PNLIP: variants seen among roughly 807,000 people sequenced by gnomAD.
PNLIP encodes the protein pancreatic lipase.
PNLIP carries 49 observed loss-of-function variants against 57.1 expected under a neutral mutation model. The ratio of observed to expected loss-of-function variants is 0.86; its 90% CI spans 0.68 to 1.09. The LOEUF is 1.09. PNLIP is among the 50% of genes least tolerant of loss of function. PNLIP has a pLI of 0.00. For synonymous variants in PNLIP, 209 were observed against 200.4 expected (o/e 1.04, Z -0.36); for missense variants, 503 against 570.2 (o/e 0.88, Z 1.20).
Position 116,555,482 on chromosome 10 carries a change from T to C in PNLIP, c.786T>C (p.Ile262=). 1 of 1,614,144 alleles carries C rather than the reference T, an allele frequency of 6.2e-7. No homozygotes were observed. Among genetic ancestry groups the C allele is most frequent in the South Asian group, 1.1e-5 (1 of 91,062 alleles). Residue 262 remains isoleucine, a synonymous_variant, in exon 8 of 13, where the codon ATT becomes ATC. Coordinates refer to ENST00000369221, the MANE Select transcript of PNLIP (RefSeq NM_000936.4). ...GTAAAAAGAACATTCTCTCTCAGAT[T>C]GTGGACATAGACGGAATCTGGGAAG... ...PGCKKNILSQ[I]VDIDGIWEGT...
Position 116,553,854 on chromosome 10 carries a change from G to A in PNLIP, c.571+16G>A, listed in dbSNP as rs1289200561. The A allele has an allele frequency of 2.0e-6, 3 of 1,505,930 alleles. No individual in the cohort carries two copies. The highest frequency in any genetic ancestry group is 2.8e-6 in the Non-Finnish European group (3 of 1,086,896). The allele number at this position is 1,505,930 out of a possible 1,614,324, so 93.3% of individuals were successfully genotyped here. A position where few individuals can be genotyped will look rare whatever the true frequency, so the allele number is the denominator to read the frequency against. On this transcript the variant is annotated intron_variant, in intron 6 of 12. Coordinates refer to ENST00000369221, the MANE Select transcript of PNLIP (RefSeq NM_000936.4). Reference sequence around the variant, plus strand: ...CGCATCACAGGTTGGTGAAAACAGTGAAAGATACCAGGGGGGTTGAGGCAA... The same window carrying A: ...CGCATCACAGGTTGGTGAAAACAGTAAAAGATACCAGGGGGGTTGAGGCAA...
At chr10:116,556,458 A>C (rs1470304363) in intron 9 of PNLIP, among the ~76,000 whole-genome samples, 1 of 152,232 alleles carries the variant, frequency 6.6e-6, no homozygotes, top group Non-Finnish European at 1.5e-5. Flanking sequence ...AAATTTTCTT[A>C]AATGCTGACC....
intron 10 of PNLIP, 140 bp from the exon 11 acceptor site, chr10:116,560,276 T>TACACACACACACACAC (rs71301597): frequency 1.2e-5 from 5 of 425,128 alleles, no homozygotes; most frequent in African/African-American, 1.1e-4. Context: ...ATTAGAAAAT[T>TACACACACACACACAC]ACACACACAC....
At chr10:116,549,036 T>A (rs978612911) in intron 4 of PNLIP, among the ~76,000 whole-genome samples, 1 of 152,166 alleles carries the variant, frequency 6.6e-6, no homozygotes, top group Non-Finnish European at 1.5e-5. Flanking sequence ...AGACAGAAAA[T>A]CAAATAGAAT....
chr10:116,546,125 G>A lies in PNLIP; in HGVS notation c.33G>A (p.Leu11=). ...CACTTTGGACTCTTTCACTGCTGCT[G>A]GGAGCAGTAGCAGGTAAGAAAACAA... MLPLWTLSLL[L]GAVAGKEVCY... is the part of the protein sequence containing the mutation. Residue 11 remains leucine (L), a synonymous_variant, in exon 2 of 13, where the codon CTG becomes CTA. Transcript: ENST00000369221. 6.2e-7 allele frequency: 1 copy of A among 1,613,378 alleles called. No individual in the cohort carries two copies.
chr10:116,549,734 G>GA (rs1847170408), intron 4 of PNLIP, among the ~76,000 whole-genome samples: 2 of 152,168 alleles, frequency 1.3e-5, no homozygotes, highest in South Asian at 2.1e-4. Flanking sequence ...GAACAGCAAA[G>GA]AAAAAAATGT....
chr10:116,551,947 G>A (rs958129089), intron 5 of PNLIP, among the ~76,000 whole-genome samples: 3 of 152,192 alleles, frequency 2.0e-5, no homozygotes, highest in Non-Finnish European at 1.5e-5. Context: ...ACACAAGGAC[G>A]TGTAGGTCAA....
At chr10:116,548,974 A>G (rs1272165114) in intron 4 of PNLIP, among the ~76,000 whole-genome samples, 1 of 152,142 alleles carries the variant, frequency 6.6e-6, no homozygotes, top group South Asian at 2.1e-4. Context: ...CGGTGATCCT[A>G]TTTTCTTTAA....
intron 12 of PNLIP, among the ~76,000 whole-genome samples, chr10:116,567,475 T>C (rs1393782954): frequency 2.6e-5 from 4 of 152,232 alleles, no homozygotes; most frequent in Non-Finnish European, 4.4e-5. Context: ...TGACTGCTCA[T>C]GACAAATGAG....
chr10:116,549,259 C>T (rs1000103563), intron 4 of PNLIP, among the ~76,000 whole-genome samples: 2 of 151,922 alleles, frequency 1.3e-5, no homozygotes, highest in Non-Finnish European at 2.9e-5. Context: ...GGGCGGATCA[C>T]GAGGTCAGGA....
At chr10:116,560,550 C>CTTTTT (rs753235094) in intron 11 of PNLIP, 26 bp downstream of exon 11, 92 of 504,492 alleles carry the variant, frequency 1.8e-4, no homozygotes, top group South Asian at 5.3e-4. Context: ...TTGCTCTATG[C>CTTTTT]TTTTTTTTTT....
rs72825610 is a variant in PNLIP at position 116,555,314 on chromosome 10, G to A, written c.691+17G>A. The A allele has an allele frequency of 5.1e-5, 82 of 1,614,058 alleles. No individual in the cohort carries two copies. The highest frequency in any genetic ancestry group is 6.7e-5 in the East Asian group (3 of 44,884). On this transcript the variant is annotated intron_variant, in intron 7 of 12. Transcript: ENST00000369221. ...CCAATTTGGGTGAGTTCCTCAACCC[G>A]TCCCCCAAAGGGTGTTATAGTGTCT...
At chr10:116,548,512 T>C in intron 4 of PNLIP, 30 bp downstream of exon 4, 1 of 1,607,712 alleles carries the variant, frequency 6.2e-7, no homozygotes, top group Non-Finnish European at 8.5e-7. Context: ...CAAGGAAAGA[T>C]CGTTTCCAAA....
At chr10:116,550,208 A>G (rs1847175917) in intron 4 of PNLIP, among the ~76,000 whole-genome samples, 1 of 151,454 alleles carries the variant, frequency 6.6e-6, no homozygotes, top group African/African-American at 2.4e-5. Flanking sequence ...ACAGGCTCCC[A>G]CCACCAGGCC....
intron 4 of PNLIP, 116 bp from the exon 5 acceptor site, chr10:116,550,982 G>A: frequency 1.2e-6 from 1 of 817,620 alleles, no homozygotes; most frequent in South Asian, 2.9e-5. Context: ...TTGCATTAGG[G>A]TTAAAATGAC....
intron 12 of PNLIP, among the ~76,000 whole-genome samples, chr10:116,562,290 A>C (rs1349482864): frequency 6.6e-6 from 1 of 152,216 alleles, no homozygotes; most frequent in Non-Finnish European, 1.5e-5. Flanking sequence ...GCTTCTGGCA[A>C]AGATGGAGTA....
intron 6 of PNLIP, among the ~76,000 whole-genome samples, chr10:116,554,128 C>T (rs756152934): frequency 3.0e-4 from 45 of 152,056 alleles, no homozygotes; most frequent in Admixed American, 5.9e-4. Flanking sequence ...TTCATTGATA[C>T]CAATCTTTGG....
chr10:116,546,485 C>G (rs142516218), intron 2 of PNLIP, among the ~76,000 whole-genome samples: 26 of 152,244 alleles, frequency 1.7e-4, no homozygotes, highest in African/African-American at 6.3e-4. Flanking sequence ...AGAGTTTGAA[C>G]CTTGGCTCCA....
intron 4 of PNLIP, among the ~76,000 whole-genome samples, chr10:116,548,998 A>G (rs1847160291): frequency 6.6e-6 from 1 of 152,226 alleles, no homozygotes; most frequent in African/African-American, 2.4e-5. Flanking sequence ...GCCTTTGGCT[A>G]TATGCCCTGT....
Sources: gnomAD v4.1 joint callset for allele counts (sites outside exome capture counted in the v4.1 genomes callset) on GRCh38, gnomAD v4.1.1 for gene constraint, MANE v1.5 for transcripts, NCBI Gene and HGNC (gene_info 2026-07-23, HGNC 2026-07-21) for gene names.